AGPS: variants seen among roughly 807,000 people sequenced by gnomAD.
AGPS encodes the protein alkylglycerone phosphate synthase, also known as alkyldihydroxyacetonephosphate synthase, peroxisomal.
In AGPS, 26 loss-of-function variants were observed where a neutral mutation model predicts 90.7. The ratio of observed to expected loss-of-function variants is 0.29; its 90% CI spans 0.21 to 0.40. The LOEUF (loss-of-function observed/expected upper bound fraction) is 0.40. Among genes scored for constraint, AGPS ranks in the 10% least tolerant of loss-of-function variants. The pLI is 1.00. For missense variants in AGPS, 540 were observed against 816.1 expected (o/e 0.66, Z 4.12); for synonymous variants, 294 against 285.3 (o/e 1.03, Z -0.31).
chr2:177,423,650 A>G (rs1339120182), intron 2 of AGPS, among the ~76,000 whole-genome samples: 1 of 152,224 alleles, frequency 6.6e-6, no homozygotes, highest in Admixed American at 6.5e-5. Flanking sequence ...ACGGAAATGT[A>G]GTTGATTGTC....
At chr2:177,400,081 A>G (rs1218677928) in intron 1 of AGPS, among the ~76,000 whole-genome samples, 3 of 152,226 alleles carry the variant, frequency 2.0e-5, no homozygotes, top group Admixed American at 1.3e-4. Context: ...TAGTGTTTTT[A>G]TAGATATTAC....
rs1685080295 is a variant in AGPS, at chr2:177,393,370, CT to C, written c.260+325del. 7.1e-6 allele frequency: 7 copies of C among 985,352 alleles called. No individual in the cohort carries two copies. In the South Asian group the frequency reaches 2.8e-4, roughly 40 times the overall value. 61.0% of individuals were successfully genotyped at this position (985,352 alleles called of 1,614,324 possible). ...ATTCATTTTTTATCTTGAATTAATACTTTTGGTGCTGAGGTCTTGGAATGGG... is the reference window on the plus strand; with the variant it reads ...ATTCATTTTTTATCTTGAATTAATACTTTGGTGCTGAGGTCTTGGAATGGG... On this transcript the variant is annotated intron_variant, in intron 1 of 19. Coordinates refer to ENST00000264167, the MANE Select transcript of AGPS (RefSeq NM_003659.4).
At chr2:177,434,031 G>C (rs1686324719) in intron 2 of AGPS, among the ~76,000 whole-genome samples, 1 of 152,050 alleles carries the variant, frequency 6.6e-6, no homozygotes, top group Non-Finnish European at 1.5e-5. Flanking sequence ...CCTGCCATAA[G>C]GCTAAAACTT....
At chr2:177,409,795 T>C (rs1685568810) in intron 1 of AGPS, among the ~76,000 whole-genome samples, 1 of 152,094 alleles carries the variant, frequency 6.6e-6, no homozygotes, top group Non-Finnish European at 1.5e-5. Context: ...TGAAGAACCA[T>C]TTATACTTCT....
In AGPS at chr2:177,442,433, A is replaced by C. The variant is rs754424714; in HGVS notation, c.736A>C (p.Met246Leu). The stretch of plus-strand genomic sequence containing the variant: ...AGGAACAAGTGTTTCATATGGCCTG[A>C]TGTGTCCTGCAGATGAGACAAGAAC... ...GGGTSVSYGLMCPADETRTII... is the reference protein window; with the variant it reads ...GGGTSVSYGLLCPADETRTII... Residue 246 changes from methionine (M) to leucine (L), a missense_variant, in exon 7 of 20, where the codon ATG becomes CTG. By Grantham distance (15) the Met-to-Leu change is conservative. Transcript: ENST00000264167. The C allele has an allele frequency of 2.5e-6, 4 of 1,613,762 alleles. No homozygotes were observed. The highest frequency in any genetic ancestry group is 3.4e-6 in the Non-Finnish European group (4 of 1,179,774).
rs528695714 is a variant in AGPS, at chr2:177,394,672, G to A, written c.260+1623G>A. ...CCTGGATTTCAATTTCCACTACACC[G>A]TTACAGCTCTATGATCTTGGGCAAA... On this transcript the variant is annotated intron_variant, in intron 1 of 19. Coordinates refer to ENST00000264167, the MANE Select transcript of AGPS (RefSeq NM_003659.4). Among the ~76,000 whole-genome samples the A allele has an allele frequency of 2.6e-5, 4 of 152,212 alleles. No individual in the cohort carries two copies. In the East Asian group the frequency reaches 5.8e-4, roughly 22 times the overall value.
At chr2:177,410,239 A>G (rs914232878) in intron 1 of AGPS, among the ~76,000 whole-genome samples, 1 of 152,076 alleles carries the variant, frequency 6.6e-6, no homozygotes, top group Non-Finnish European at 1.5e-5. Flanking sequence ...TTTGGCTTCA[A>G]TATCCGCTTG....
intron 13 of AGPS, 36 bp downstream of exon 13, chr2:177,497,801 C>A: frequency 8.7e-7 from 1 of 1,146,858 alleles, no homozygotes; most frequent in Non-Finnish European, 1.3e-6. Context: ...ATTGTAAATG[C>A]TTAAGATATC....
chr2:177,537,397 G>T (rs1435201975), intron 19 of AGPS, among the ~76,000 whole-genome samples: 1 of 152,056 alleles, frequency 6.6e-6, no homozygotes, highest in Non-Finnish European at 1.5e-5. Context: ...AAAAGCAAAA[G>T]ATTAAGTTTA....
chr2:177,538,425 GTC>G lies in AGPS; in HGVS notation c.*231_*232del. ...GTACATCATTTTACATTCAGCGGTT[GTC>G]ATTTCAAATTTTAGTCAGGCAGCAC... is the stretch of plus-strand genomic sequence containing the variant. On this transcript the variant is annotated 3_prime_UTR_variant, in exon 20 of 20. Coordinates refer to ENST00000264167, the MANE Select transcript of AGPS (RefSeq NM_003659.4). 1.9e-6 allele frequency: 1 copy of G among 536,102 alleles called. No individual in the cohort carries two copies. Among genetic ancestry groups the G allele is most frequent in the African/African-American group, 1.9e-5 (1 of 52,408 alleles). The allele number at this position is 536,102 out of a possible 1,614,324, so 33.2% of individuals were successfully genotyped here.
rs1220637698 is a variant in AGPS, at chr2:177,401,318, T to C, written c.260+8269T>C. Among the ~76,000 whole-genome samples the C allele has an allele frequency of 2.0e-5, 3 of 152,292 alleles. No individual in the cohort carries two copies. In the East Asian group the frequency reaches 5.8e-4, roughly 29 times the overall value. ...CATCCTTCAATCCCTATCTTGAACT[T>C]CTTTTCATTCTTTTAAGATCGAACT... is the stretch of plus-strand genomic sequence containing the variant. On this transcript the variant is annotated intron_variant, in intron 1 of 19. Transcript: ENST00000264167.
chr2:177,513,719 A>G (rs1188840300), intron 16 of AGPS, 100 bp from the exon 17 acceptor site: 1 of 863,630 alleles, frequency 1.2e-6, no homozygotes, highest in Admixed American at 2.1e-5. Context: ...TTAGCTAAGA[A>G]AATGTCAGAC....
rs58023539 is a variant in AGPS at position 177,410,948 on chromosome 2, A to G, written c.261-9321A>G. Among the ~76,000 whole-genome samples the G allele has an allele frequency of 1.7e-3, 254 of 152,188 alleles. 1 individual carries two copies. Among genetic ancestry groups the G allele is most frequent in the African/African-American group, 5.8e-3 (239 of 41,500 alleles). Reference sequence around the variant, plus strand: ...GGGGGTAGCTTATTTCTATTCGGACAATCTTTTTTAAAGTGTCCTTGTAGG... The same window carrying G: ...GGGGGTAGCTTATTTCTATTCGGACGATCTTTTTTAAAGTGTCCTTGTAGG... On this transcript the variant is annotated intron_variant, in intron 1 of 19. Transcript: ENST00000264167.
intron 1 of AGPS, among the ~76,000 whole-genome samples, chr2:177,418,439 C>T (rs987371424): frequency 2.6e-4 from 39 of 152,170 alleles, no homozygotes; most frequent in African/African-American, 9.1e-4. Context: ...GCTACATAAA[C>T]ATGCCAGATT....
chr2:177,457,418 C>T (rs929011003), intron 8 of AGPS, among the ~76,000 whole-genome samples: 8 of 151,750 alleles, frequency 5.3e-5, no homozygotes, highest in South Asian at 2.1e-4. Flanking sequence ...TTGAAAATAC[C>T]AACAAAATAG....
intron 10 of AGPS, among the ~76,000 whole-genome samples, chr2:177,477,951 A>T (rs1442570106): frequency 1.3e-5 from 2 of 152,218 alleles, no homozygotes; most frequent in African/African-American, 4.8e-5. Context: ...CATAAAATAG[A>T]AGAAGACTCA....
At chr2:177,409,068 C>T (rs932321252) in intron 1 of AGPS, among the ~76,000 whole-genome samples, 1 of 152,060 alleles carries the variant, frequency 6.6e-6, no homozygotes, top group South Asian at 2.1e-4. Context: ...CTTCTCTTCC[C>T]CCAAACTTTA....
At chr2:177,400,656 A>G (rs1685307287) in intron 1 of AGPS, among the ~76,000 whole-genome samples, 1 of 152,188 alleles carries the variant, frequency 6.6e-6, no homozygotes, top group African/African-American at 2.4e-5. Context: ...TGTTCTTGCC[A>G]GCATGTTTGA....
At chr2:177,425,462 A>C (rs894543482) in intron 2 of AGPS, among the ~76,000 whole-genome samples, 2 of 152,072 alleles carry the variant, frequency 1.3e-5, no homozygotes, top group Middle Eastern at 3.4e-3. Context: ...CTCTACTAAA[A>C]ATACAAAAAT....
Sources: gnomAD v4.1 joint callset for allele counts (sites outside exome capture counted in the v4.1 genomes callset) on GRCh38, gnomAD v4.1.1 for gene constraint, MANE v1.5 for transcripts, NCBI Gene and HGNC (gene_info 2026-07-23, HGNC 2026-07-21) for gene names.